Variants in FBLN7 observed in about 807,000 individuals in gnomAD.
The protein encoded by FBLN7 is fibulin 7.
In FBLN7, 31 loss-of-function variants were observed where a neutral mutation model predicts 44.0. The ratio of observed to expected loss-of-function variants is 0.70; its 90% confidence interval spans 0.53 to 0.95. The LOEUF (loss-of-function observed/expected upper bound fraction) is 0.95. Among genes scored for constraint, FBLN7 ranks in the 40% least tolerant of loss-of-function variants. The pLI, the probability that FBLN7 is intolerant of heterozygous loss-of-function variation, is 0.00. For synonymous variants in FBLN7, 262 were observed against 253.4 expected (o/e 1.03, Z -0.32); for missense variants, 573 against 618.5 (o/e 0.93, Z 0.78).
the FBLN7 span, among the ~76,000 whole-genome samples, chr2:112,206,733 G>GTTTTTTTTTTTTT: frequency 1.5e-4 from 18 of 122,998 alleles, no homozygotes; most frequent in South Asian, 5.5e-4. Context: ...CTTATTGACT[G>GTTTTTTTTTTTTT]TTTTTTTTTT....
chr2:112,156,145 G>A (rs1202970672), intron 1 of FBLN7, among the ~76,000 whole-genome samples: 1 of 152,160 alleles, frequency 6.6e-6, no homozygotes, highest in African/African-American at 2.4e-5. Flanking sequence ...ACTTTGCACG[G>A]GAGTGAGAAA....
chr2:112,238,604 A>G, the FBLN7 span: 2 of 1,266,990 alleles, frequency 1.6e-6, no homozygotes, highest in East Asian at 4.6e-5. Context: ...AAGAAACAAG[A>G]TTGGCTATAA....
At chr2:112,221,096 G>C in the FBLN7 span, among the ~76,000 whole-genome samples, 4 of 152,202 alleles carry the variant, frequency 2.6e-5, no homozygotes, top group Non-Finnish European at 5.9e-5. Context: ...ACGGAAATGA[G>C]TCATAGATTT....
At chr2:112,142,343 A>G (rs1197866910) in intron 1 of FBLN7, among the ~76,000 whole-genome samples, 1 of 152,136 alleles carries the variant, frequency 6.6e-6, no homozygotes, top group African/African-American at 2.4e-5. Flanking sequence ...CTGGCGTAGT[A>G]CCGATCATCA....
At chr2:112,172,639 T>C (rs1682528439) in intron 3 of FBLN7, among the ~76,000 whole-genome samples, 2 of 139,590 alleles carry the variant, frequency 1.4e-5, no homozygotes, top group Non-Finnish European at 3.1e-5. Flanking sequence ...TTTTTTTTTT[T>C]TTTTTTTTTT....
chr2:112,191,896 CAG>C (rs1205294406), downstream of FBLN7, among the ~76,000 whole-genome samples: 1 of 152,148 alleles, frequency 6.6e-6, no homozygotes, highest in Non-Finnish European at 1.5e-5. Context: ...AAAATGTATT[CAG>C]AGTTTATCTT....
the FBLN7 span, among the ~76,000 whole-genome samples, chr2:112,216,846 AATGAG>A: frequency 6.6e-6 from 1 of 152,100 alleles, no homozygotes; most frequent in Non-Finnish European, 1.5e-5. Flanking sequence ...GAGAACAAAA[AATGAG>A]ATGAAGAAAG....
chr2:112,228,759 A>T, the FBLN7 span, among the ~76,000 whole-genome samples: 1 of 151,808 alleles, frequency 6.6e-6, no homozygotes, highest in East Asian at 1.9e-4. Flanking sequence ...TCAAAATGAA[A>T]ACTTTGATGC....
At chr2:112,169,310 A>G (rs182446287) in intron 3 of FBLN7, among the ~76,000 whole-genome samples, 1 of 152,098 alleles carries the variant, frequency 6.6e-6, no homozygotes, top group East Asian at 1.9e-4. Flanking sequence ...ACAAAACAAA[A>G]CAAAAAAACA....
chr2:112,180,942 A>G (rs1314068563), intron 4 of FBLN7, among the ~76,000 whole-genome samples: 1 of 150,360 alleles, frequency 6.7e-6, no homozygotes, highest in Admixed American at 6.6e-5. Context: ...AAAAAAAAAA[A>G]AAACGAAAGA....
the FBLN7 span, among the ~76,000 whole-genome samples, chr2:112,207,464 C>CA: frequency 0.24 from 19,171 of 78,734 alleles, 2,024 homozygotes; most frequent in East Asian, 0.44. Context: ...GACTCCATCT[C>CA]AAAAAAAAAA....
the FBLN7 span, chr2:112,238,184 G>A: frequency 1.1e-6 from 1 of 939,760 alleles, no homozygotes. Flanking sequence ...GCTCATGTCT[G>A]GTATAAATAT....
the FBLN7 span, among the ~76,000 whole-genome samples, chr2:112,198,622 T>C: frequency 7.0e-6 from 1 of 143,700 alleles, no homozygotes; most frequent in Non-Finnish European, 1.5e-5. Context: ...GGTGACAGAG[T>C]GAGATTGTCT....
downstream of FBLN7, among the ~76,000 whole-genome samples, chr2:112,193,023 G>T (rs11691239): frequency 0.1 from 15,590 of 152,238 alleles, 1,071 homozygotes; most frequent in Non-Finnish European, 0.14. Context: ...AAAGGTGTTT[G>T]TCAGTATATA....
intron 2 of FBLN7, among the ~76,000 whole-genome samples, chr2:112,160,754 A>C (rs1372689808): frequency 1.5e-4 from 13 of 87,750 alleles, no homozygotes; most frequent in African/African-American, 6.0e-4. Flanking sequence ...ACGCGCACGC[A>C]CACACGCACG....
chr2:112,175,768 G>A lies in FBLN7; in HGVS notation c.461G>A (p.Gly154Glu). 1 of 1,614,174 alleles carries A rather than the reference G, an allele frequency of 6.2e-7. No homozygotes were observed. The highest frequency in any genetic ancestry group is 8.5e-7 in the Non-Finnish European group (1 of 1,180,030). ...CAAAATGGTGGTACATGTGTAGAAG[G>A]AGTCAACCAGTACAGATGCATTTGT... ...PCQNGGTCVEGVNQYRCICPP... is the reference protein window; with the variant it reads ...PCQNGGTCVEEVNQYRCICPP... The change falls in exon 4 of 8, where the codon GGA becomes GAA. Residue 154 changes from glycine (G) to glutamate (E), a missense_variant. Transcript: ENST00000331203.
the FBLN7 span, among the ~76,000 whole-genome samples, chr2:112,242,385 T>G: frequency 6.6e-6 from 1 of 152,232 alleles, no homozygotes; most frequent in African/African-American, 2.4e-5. Flanking sequence ...CATTTATATA[T>G]TATATGGCCT....
the FBLN7 span, among the ~76,000 whole-genome samples, chr2:112,243,899 T>A: frequency 6.3e-3 from 958 of 151,680 alleles, 5 homozygotes; most frequent in Non-Finnish European, 9.2e-3. Context: ...CACAAAGATA[T>A]TAAAAAATAT....
rs1487601316 is a variant in FBLN7, at chr2:112,187,485, T to C, written c.1299T>C (p.Phe433=). ...ACCACGTGTCCAAGGTCACCATCTT[T>C]GTATCCCCCTATGACTTCTGAGGGT... ...QANHVSKVTI[F]VSPYDF is the part of the protein sequence containing the mutation. Residue 433 remains phenylalanine (F), a synonymous_variant, in exon 8 of 8, where the codon TTT becomes TTC. Coordinates refer to ENST00000331203, the MANE Select transcript of FBLN7 (RefSeq NM_153214.3). This position sits in a 1 kb window ranked among gnomAD's most constrained non-coding sequence, Gnocchi z 5.1. The C allele has an allele frequency of 1.2e-6, 2 of 1,614,042 alleles. No homozygotes were observed. Among genetic ancestry groups the C allele is most frequent in the Non-Finnish European group, 8.5e-7 (1 of 1,180,038 alleles).
Sources: allele counts gnomAD v4.1 joint callset (sites outside exome capture counted in the v4.1 genomes callset), GRCh38; gene constraint gnomAD v4.1.1; non-coding constraint Gnocchi (gnomAD v3.1); transcripts MANE v1.5; gene names NCBI Gene and HGNC (gene_info 2026-07-23, HGNC 2026-07-21).